MYRIP: variants seen among roughly 807,000 people sequenced by gnomAD.
The protein encoded by MYRIP is rab effector MyRIP.
Under a neutral mutation model 98.0 loss-of-function variants are expected in MYRIP, and 49 were observed. The observed-to-expected ratio is 0.50, with a 90% CI of 0.40 to 0.63. The LOEUF is 0.63. Among genes scored for constraint, MYRIP ranks in the 30% least tolerant of loss-of-function variants. The probability of loss-of-function intolerance (pLI) is 0.00; values close to 1 mark genes in which losing one functional copy is unlikely to be tolerated. For synonymous variants in MYRIP, 404 were observed against 409.5 expected (o/e 0.99, Z 0.16); for missense variants, 1,004 against 1,058.2 (o/e 0.95, Z 0.71).
chr3:40,077,863 C>CGGGGCTGCAGGT (rs576813613), intron 3 of MYRIP, among the ~76,000 whole-genome samples: 14 of 152,366 alleles, frequency 9.2e-5, no homozygotes, highest in African/African-American at 3.4e-4. Flanking sequence ...GATCCCGCAC[C>CGGGGCTGCAGGT]GGGGCTGCAG....
At chr3:39,916,176 A>G (rs1240751357) in intron 2 of MYRIP, among the ~76,000 whole-genome samples, 4 of 152,088 alleles carry the variant, frequency 2.6e-5, no homozygotes, top group African/African-American at 9.6e-5. Flanking sequence ...TATATCACTC[A>G]TCTATTAATG....
intron 2 of MYRIP, among the ~76,000 whole-genome samples, chr3:39,994,424 C>T (rs183346285): frequency 3.5e-4 from 54 of 152,354 alleles, no homozygotes; most frequent in African/African-American, 9.4e-4. Flanking sequence ...CCTATGCCCA[C>T]GGAGCCTCGC....
intron 4 of MYRIP, among the ~76,000 whole-genome samples, chr3:40,157,716 A>G (rs2125583642): frequency 6.6e-6 from 1 of 150,782 alleles, no homozygotes; most frequent in Non-Finnish European, 1.5e-5. Context: ...TTCCTGGTTT[A>G]GTCTTGGGAG....
At chr3:39,883,243 G>C (rs1296027227) in intron 1 of MYRIP, among the ~76,000 whole-genome samples, 1 of 152,208 alleles carries the variant, frequency 6.6e-6, no homozygotes, top group Non-Finnish European at 1.5e-5. Context: ...TGTTAAGTAA[G>C]AGTGAACTGG....
At chr3:40,083,803 C>T (rs918474385) in intron 3 of MYRIP, among the ~76,000 whole-genome samples, 4 of 152,030 alleles carry the variant, frequency 2.6e-5, no homozygotes, top group African/African-American at 7.2e-5. Flanking sequence ...ACTGTGAATT[C>T]CTTATCTGGG....
intron 4 of MYRIP, among the ~76,000 whole-genome samples, chr3:40,161,301 G>A (rs1950389640): frequency 6.6e-6 from 1 of 152,198 alleles, no homozygotes. Flanking sequence ...AAAGAGAGGT[G>A]TTGTACTAGA....
intron 11 of MYRIP, among the ~76,000 whole-genome samples, chr3:40,219,148 A>T (rs1208056631): frequency 3.3e-5 from 5 of 152,202 alleles, no homozygotes; most frequent in Non-Finnish European, 7.4e-5. Context: ...AGATTCATAC[A>T]TCATACTACA....
At chr3:39,878,107 C>T (rs983485286) in intron 1 of MYRIP, among the ~76,000 whole-genome samples, 1 of 152,174 alleles carries the variant, frequency 6.6e-6, no homozygotes, top group Non-Finnish European at 1.5e-5. Context: ...GACTGCTGTG[C>T]TAGCAATCAG....
intron 1 of MYRIP, among the ~76,000 whole-genome samples, chr3:39,849,564 A>T (rs1450872549): frequency 6.6e-6 from 1 of 152,200 alleles, no homozygotes; most frequent in Non-Finnish European, 1.5e-5. Context: ...TGTCATGGTG[A>T]TCACACTGGT....
At chr3:40,251,855 A>G (rs753424464) in intron 15 of MYRIP, 26 bp from the exon 16 acceptor site, 17 of 1,504,452 alleles carry the variant, frequency 1.1e-5, no homozygotes, top group Non-Finnish European at 1.5e-5. Flanking sequence ...TCTGGGTAAC[A>G]TTTTTTCCCA....
chr3:39,842,334 C>G (rs552947227), intron 1 of MYRIP, among the ~76,000 whole-genome samples: 1 of 152,138 alleles, frequency 6.6e-6, no homozygotes, highest in African/African-American at 2.4e-5. Context: ...TGTCCCTGGT[C>G]GACTTCAGAC....
chr3:40,083,932 T>A (rs1452596493), intron 3 of MYRIP, among the ~76,000 whole-genome samples: 1 of 151,832 alleles, frequency 6.6e-6, no homozygotes. Flanking sequence ...GGTCAGGAGA[T>A]CAAGACCATC....
intron 3 of MYRIP, among the ~76,000 whole-genome samples, chr3:40,130,598 T>A (rs1340043236): frequency 6.6e-6 from 1 of 151,728 alleles, no homozygotes; most frequent in East Asian, 1.9e-4. Context: ...GCCAGGATGG[T>A]CTCAATCTCC....
At chr3:39,880,601 G>A (rs1382870842) in intron 1 of MYRIP, among the ~76,000 whole-genome samples, 1 of 152,172 alleles carries the variant, frequency 6.6e-6, no homozygotes, top group Non-Finnish European at 1.5e-5. Context: ...CTTCATAAAT[G>A]TGTTAGCTTC....
chr3:40,056,370 AC>A (rs1281898671), intron 3 of MYRIP, among the ~76,000 whole-genome samples: 1 of 152,136 alleles, frequency 6.6e-6, no homozygotes, highest in Non-Finnish European at 1.5e-5. Context: ...CTGATTTTAG[AC>A]CTTTGGCCTC....
intron 2 of MYRIP, among the ~76,000 whole-genome samples, chr3:40,034,677 G>A (rs1947337411): frequency 6.7e-6 from 1 of 150,186 alleles, no homozygotes. Context: ...ATTCCTCAGG[G>A]ATCTAGAACT....
chr3:40,219,785 C>T (rs1205961511), intron 11 of MYRIP, among the ~76,000 whole-genome samples: 1 of 151,894 alleles, frequency 6.6e-6, no homozygotes, highest in African/African-American at 2.4e-5. Flanking sequence ...AATAGTGCCA[C>T]AATAAACATA....
intron 8 of MYRIP, among the ~76,000 whole-genome samples, chr3:40,175,994 G>T (rs1017743933): frequency 6.6e-6 from 1 of 152,246 alleles, no homozygotes; most frequent in African/African-American, 2.4e-5. Flanking sequence ...TGAGGACCAT[G>T]CATTATGTTT....
At chr3:40,016,266 A>T (rs1454089867) in intron 2 of MYRIP, among the ~76,000 whole-genome samples, 2 of 151,946 alleles carry the variant, frequency 1.3e-5, no homozygotes, top group African/African-American at 4.8e-5. Flanking sequence ...TTCTGCTTTG[A>T]TATTTTAGTA....
Sources: allele counts gnomAD v4.1 joint callset (sites outside exome capture counted in the v4.1 genomes callset), GRCh38; gene constraint gnomAD v4.1.1; transcripts MANE v1.5; gene names NCBI Gene and HGNC (gene_info 2026-07-23, HGNC 2026-07-21).